The following LILRA2 variants were observed in gnomAD, a reference collection of about 807,000 sequenced individuals.
The protein encoded by LILRA2 is leukocyte immunoglobulin-like receptor subfamily A member 2.
A neutral mutation model predicts 47.9 loss-of-function variants in LILRA2; 45 were observed. The observed-to-expected ratio is 0.94, with a 90% confidence interval of 0.74 to 1.20. The LOEUF (loss-of-function observed/expected upper bound fraction) is 1.20, where lower values mean the gene tolerates loss of function less well. Among genes scored for constraint, LILRA2 ranks in the 50% most tolerant of loss-of-function variants. The probability of loss-of-function intolerance (pLI) is 0.00; values close to 1 mark genes in which losing one functional copy is unlikely to be tolerated. For missense variants in LILRA2, 651 were observed against 598.2 expected, an observed-to-expected ratio of 1.09 and a Z score of -0.92; for synonymous variants, 279 against 249.2, an observed-to-expected ratio of 1.12 and a Z score of -1.13.
At chr19:54,577,529 G>C (rs1475722356) in intron 6 of LILRA2, 35 of 1,289,656 alleles carry the variant, frequency 2.7e-5, no homozygotes, top group Non-Finnish European at 3.5e-5. Flanking sequence ...AGACAAGAGA[G>C]GAGGCTGCTT....
chr19:54,586,923 A>G, intron 6 of LILRA2, 87 bp from the exon 7 acceptor site: 1 of 955,076 alleles, frequency 1.0e-6, no homozygotes, highest in Non-Finnish European at 1.6e-6. Flanking sequence ...CATAAAACTC[A>G]TGTCAAGAGA....
intron 6 of LILRA2, among the ~76,000 whole-genome samples, chr19:54,583,343 T>A (rs1414735104): frequency 6.6e-6 from 1 of 152,212 alleles, no homozygotes; most frequent in African/African-American, 2.4e-5. Context: ...GTTAACCTTA[T>A]GTGTCATTGA....
rs1177432642 is a variant in LILRA2 at position 54,576,091 on chromosome 19, C to G, written c.1237C>G (p.Leu413Val). 6 of 1,614,228 alleles carry G rather than the reference C, an allele frequency of 3.7e-6. No individual in the cohort carries two copies. Among genetic ancestry groups the G allele is most frequent in the Non-Finnish European group, 4.2e-6 (5 of 1,180,018 alleles). ...CCTGCTGTCTCTCCCCAGTGACCCC[C>G]TGGAGCTCGTGGTCTCAGGTGAGGG... is the stretch of plus-strand genomic sequence containing the variant. ...PYLLSLPSDPLELVVSEAAET... is the reference protein window; with the variant it reads ...PYLLSLPSDPVELVVSEAAET... The change falls in exon 6 of 8, where the codon CTG becomes GTG. Residue 413 changes from leucine to valine, a missense_variant. Leu to Val is a conservative substitution (Grantham distance 32). Transcript: ENST00000391738.
rs2062378217 is a variant in LILRA2 at position 54,575,486 on chromosome 19, T to C, written c.886T>C (p.Tyr296His). ...CTCCCACGGGGGCCAGTACAGATGC[T>C]ACAGTGCACACAACCTCTCCTCCGA... ...SPSHGGQYRC[Y>H]SAHNLSSEWS... The change falls in exon 5 of 8, where the codon TAC becomes CAC. Residue 296 changes from tyrosine to histidine, a missense_variant. Physicochemically the swap from Tyr to His is moderately conservative, Grantham distance 83. Transcript: ENST00000391738. 1 of 1,613,274 alleles carries C rather than the reference T, an allele frequency of 6.2e-7. No homozygotes were observed. Among genetic ancestry groups the C allele is most frequent in the Non-Finnish European group, 8.5e-7 (1 of 1,179,942 alleles).
upstream of LILRA2, chr19:54,573,503 C>T: frequency 3.1e-6 from 3 of 966,190 alleles, no homozygotes; most frequent in Non-Finnish European, 4.9e-6. Context: ...TGGGGAAGCT[C>T]TGAGAAGGAA....
intron 6 of LILRA2, among the ~76,000 whole-genome samples, chr19:54,586,019 C>G (rs1234093635): frequency 1.3e-5 from 2 of 152,184 alleles, no homozygotes; most frequent in Non-Finnish European, 2.9e-5. Flanking sequence ...AATTACTCTT[C>G]AATGATCTCC....
At chr19:54,584,401 C>T (rs556688232) in intron 6 of LILRA2, among the ~76,000 whole-genome samples, 58 of 152,208 alleles carry the variant, frequency 3.8e-4, no homozygotes, top group African/African-American at 1.2e-3. Context: ...CGTCACTTTC[C>T]GGTACACTAG....
chr19:54,577,722 A>T, intron 6 of LILRA2: 1 of 1,247,254 alleles, frequency 8.0e-7, no homozygotes, highest in Non-Finnish European at 1.0e-6. Flanking sequence ...TGGACAAGTC[A>T]GGCAAGTATT....
intron 6 of LILRA2, among the ~76,000 whole-genome samples, chr19:54,582,079 A>G (rs2062655824): frequency 1.3e-5 from 2 of 152,146 alleles, no homozygotes; most frequent in African/African-American, 2.4e-5. Context: ...GATTACATTT[A>G]GTGATTTGCC....
intron 6 of LILRA2, among the ~76,000 whole-genome samples, chr19:54,579,394 AGTTT>A (rs1324762119): frequency 6.6e-6 from 1 of 152,042 alleles, no homozygotes; most frequent in East Asian, 1.9e-4. Flanking sequence ...GTTTTTGTCA[AGTTT>A]GTCAAAGATC....
Position 54,590,008 on chromosome 19 carries a change from G to T in LILRA2, c.*2662G>T, listed in dbSNP as rs1370847026. Reference sequence around the variant, plus strand: ...TTACTTTGTATCTATTCTAGATATCGTTTGCTCTATCATAGTTAAGACATT... The same window carrying T: ...TTACTTTGTATCTATTCTAGATATCTTTTGCTCTATCATAGTTAAGACATT... On this transcript the variant is annotated 3_prime_UTR_variant, in exon 8 of 8. Coordinates refer to ENST00000391738, the MANE Select transcript of LILRA2 (RefSeq NM_001130917.3). The T allele has an allele frequency of 6.6e-6, 1 of 151,550 alleles. No homozygotes were observed. The highest frequency in any genetic ancestry group is 1.5e-5 in the Non-Finnish European group (1 of 67,916). The allele number at this position is 151,550 out of a possible 1,614,324, so 9.4% of individuals were successfully genotyped here.
chr19:54,575,886 T>C lies in LILRA2; in HGVS notation c.1032T>C (p.Cys344=). 6.2e-7 allele frequency: 1 copy of C among 1,613,610 alleles called. No individual in the cohort carries two copies. Among genetic ancestry groups the C allele is most frequent in the Non-Finnish European group, 8.5e-7 (1 of 1,179,832 alleles). The change falls in exon 6 of 8, where the codon TGT becomes TGC. Residue 344 remains cysteine, a synonymous_variant. Transcript: ENST00000391738. ...CAGGAAAGAACGTGACCCTGCTGTG[T>C]CAGTCACGGGGGCAGTTCCACACTT... is the stretch of plus-strand genomic sequence containing the variant. ...VAPGKNVTLL[C]QSRGQFHTFL... is the part of the protein sequence containing the mutation.
rs765583317 is a variant in LILRA2, at chr19:54,576,011, C to A, written c.1157C>A (p.Thr386Asn). Reference sequence around the variant, plus strand: ...GCTGAATTCCGCATGGGTCCTGTGACCTCAGCCCACGTGGGGACCTACAGA... The same window carrying A: ...GCTGAATTCCGCATGGGTCCTGTGAACTCAGCCCACGTGGGGACCTACAGA... ...NQAEFRMGPVTSAHVGTYRCY... is the reference protein window; with the variant it reads ...NQAEFRMGPVNSAHVGTYRCY... Residue 386 changes from threonine to asparagine, a missense_variant, in exon 6 of 8, where the codon ACC becomes AAC. Coordinates refer to ENST00000391738, the MANE Select transcript of LILRA2 (RefSeq NM_001130917.3). The A allele has an allele frequency of 6.2e-7, 1 of 1,613,950 alleles. No homozygotes were observed. Among genetic ancestry groups the A allele is most frequent in the Non-Finnish European group, 8.5e-7 (1 of 1,179,964 alleles).
intron 6 of LILRA2, chr19:54,577,476 A>T: frequency 1.6e-6 from 2 of 1,288,442 alleles, no homozygotes; most frequent in Non-Finnish European, 2.0e-6. Flanking sequence ...GCCCCTGAGT[A>T]TAAGCCCTTC....
In LILRA2 at chr19:54,576,032, A is replaced by T; in HGVS notation, c.1178A>T (p.Tyr393Phe). The change falls in exon 6 of 8, where the codon TAC becomes TTC. Residue 393 changes from tyrosine to phenylalanine, a missense_variant. Transcript: ENST00000391738. Reference sequence around the variant, plus strand: ...GTGACCTCAGCCCACGTGGGGACCTACAGATGCTACAGCTCACTCAGCTCC... The same window carrying T: ...GTGACCTCAGCCCACGTGGGGACCTTCAGATGCTACAGCTCACTCAGCTCC... ...GPVTSAHVGT[Y>F]RCYSSLSSNP... The T allele has an allele frequency of 6.2e-7, 1 of 1,613,980 alleles. No individual in the cohort carries two copies. Among genetic ancestry groups the T allele is most frequent in the Non-Finnish European group, 8.5e-7 (1 of 1,179,974 alleles).
chr19:54,573,136 G>C (rs945429441), upstream of LILRA2: 1 of 265,478 alleles, frequency 3.8e-6, no homozygotes, highest in Non-Finnish European at 7.6e-6. Flanking sequence ...GATGTGAGCT[G>C]CCATGCCTGG....
chr19:54,573,992 C>T, intron 1 of LILRA2, 80 bp downstream of exon 1: 1 of 1,613,376 alleles, frequency 6.2e-7, no homozygotes. Context: ...CTAAGGAGAC[C>T]CCAGGGGCTC....
At chr19:54,574,648 G>A in intron 3 of LILRA2, 66 bp downstream of exon 3, 2 of 1,601,014 alleles carry the variant, frequency 1.2e-6, no homozygotes, top group Non-Finnish European at 1.7e-6. Context: ...GCTCTCAGGG[G>A]CATCTCCGCT....
At chr19:54,583,915 G>T (rs900342070) in intron 6 of LILRA2, among the ~76,000 whole-genome samples, 9 of 152,156 alleles carry the variant, frequency 5.9e-5, no homozygotes, top group Admixed American at 2.0e-4. Context: ...GGCACTGATT[G>T]TTCCTTTCCA....
Sources: gnomAD v4.1 joint callset for allele counts (sites outside exome capture counted in the v4.1 genomes callset) on GRCh38, gnomAD v4.1.1 for gene constraint, MANE v1.5 for transcripts, NCBI Gene and HGNC (gene_info 2026-07-23, HGNC 2026-07-21) for gene names.